ELMO1: variants seen among roughly 807,000 people sequenced by gnomAD.
The protein encoded by ELMO1 is engulfment and cell motility 1.
In ELMO1, 26 loss-of-function variants were observed where a neutral mutation model predicts 98.9. The ratio of observed to expected loss-of-function variants is 0.26; its 90% CI spans 0.19 to 0.36. The LOEUF (loss-of-function observed/expected upper bound fraction) is 0.36, where lower values mean the gene tolerates loss of function less well. Among genes scored for constraint, ELMO1 ranks in the 10% least tolerant of loss-of-function variants. ELMO1 has a pLI of 1.00. For synonymous variants in ELMO1, 346 were observed against 346.0 expected, an observed-to-expected ratio of 1.00 and a Z score of 0.00; for missense variants, 627 against 935.2, an observed-to-expected ratio of 0.67 and a Z score of 4.30.
At chr7:37,086,725 A>C (rs961611476) in intron 15 of ELMO1, among the ~76,000 whole-genome samples, 1 of 144,986 alleles carries the variant, frequency 6.9e-6, no homozygotes, top group Non-Finnish European at 1.5e-5. Context: ...CCTGGGCAAC[A>C]GAGTGAGATC....
chr7:37,187,950 T>C (rs1481665563), intron 13 of ELMO1, among the ~76,000 whole-genome samples: 1 of 152,128 alleles, frequency 6.6e-6, no homozygotes, highest in African/African-American at 2.4e-5. Flanking sequence ...AGGACTCCAG[T>C]TAGTCAATGC....
chr7:37,122,211 G>T lies in ELMO1; in HGVS notation c.1191+10919C>A, dbSNP rs527633093. On this transcript the variant is annotated intron_variant, in intron 14 of 21. Coordinates refer to ENST00000310758, the MANE Select transcript of ELMO1 (RefSeq NM_014800.11). ...CAAATTGTAAAGACCATTGAGACTAGGAAGAAACTGCATCAACTAACGAGC... is the reference window on the plus strand; with the variant it reads ...CAAATTGTAAAGACCATTGAGACTATGAAGAAACTGCATCAACTAACGAGC... Among the ~76,000 whole-genome samples the T allele has an allele frequency of 4.6e-5, 7 of 152,250 alleles. No homozygotes were observed. In the South Asian group the frequency reaches 1.5e-3, roughly 32 times the overall value.
rs1443386648 is a variant in ELMO1 at position 37,293,078 on chromosome 7, G to A, written c.193-21196C>T. Among the ~76,000 whole-genome samples, 2 of 15,556 alleles carry A rather than the reference G, an allele frequency of 1.3e-4. 1 individual carries two copies. Among genetic ancestry groups the A allele is most frequent in the African/African-American group, 2.1e-4 (2 of 9,322 alleles). The allele number at this position is 15,556 out of a possible 152,430, so 10.2% of individuals were successfully genotyped here. ...AGCCCCCTGCCCGGCCAGCCGCCCC[G>A]TCCGGGAGGGAGGTGGGGGGGGGTC... On this transcript the variant is annotated intron_variant, in intron 4 of 21. Transcript: ENST00000310758.
intron 16 of ELMO1, among the ~76,000 whole-genome samples, chr7:36,936,893 A>G (rs1786579781): frequency 6.6e-6 from 1 of 152,218 alleles, no homozygotes; most frequent in Non-Finnish European, 1.5e-5. Context: ...TTAAGTATAG[A>G]GTAAGCACTG....
chr7:36,915,401 A>G (rs191773726), intron 16 of ELMO1, among the ~76,000 whole-genome samples: 3 of 152,308 alleles, frequency 2.0e-5, no homozygotes, highest in Admixed American at 2.0e-4. Context: ...TTTATCTAAG[A>G]TAGGAGGGGG....
At chr7:37,132,840 T>C (rs1477718709) in intron 14 of ELMO1, among the ~76,000 whole-genome samples, 1 of 152,250 alleles carries the variant, frequency 6.6e-6, no homozygotes, top group African/African-American at 2.4e-5. Flanking sequence ...TTTTTGTTCC[T>C]TGTTATTTAA....
chr7:37,005,452 G>T (rs1793012424), intron 16 of ELMO1, among the ~76,000 whole-genome samples: 1 of 152,088 alleles, frequency 6.6e-6, no homozygotes, highest in African/African-American at 2.4e-5. Flanking sequence ...AGCACTTCGG[G>T]AGGCCAAGGC....
At chr7:37,216,241 T>C (rs564626862) in intron 11 of ELMO1, among the ~76,000 whole-genome samples, 5 of 152,058 alleles carry the variant, frequency 3.3e-5, no homozygotes, top group Admixed American at 3.3e-4. Flanking sequence ...CCCCCAAAAC[T>C]GATGTTCAAC....
At chr7:37,051,738 A>G (rs773549771) in intron 15 of ELMO1, among the ~76,000 whole-genome samples, 1 of 152,208 alleles carries the variant, frequency 6.6e-6, no homozygotes, top group South Asian at 2.1e-4. Flanking sequence ...AAATCTGGCT[A>G]TATAATTTAT....
intron 15 of ELMO1, among the ~76,000 whole-genome samples, chr7:37,023,365 T>C (rs1279665491): frequency 1.3e-5 from 2 of 152,178 alleles, no homozygotes; most frequent in African/African-American, 4.8e-5. Context: ...ATTTCATACA[T>C]ATGATTTCAG....
At chr7:37,273,208 C>T (rs1796660808) in intron 4 of ELMO1, among the ~76,000 whole-genome samples, 1 of 152,214 alleles carries the variant, frequency 6.6e-6, no homozygotes, top group African/African-American at 2.4e-5. Context: ...TATCACTTAG[C>T]ATCTGGTGTG....
chr7:37,069,721 A>G (rs758099322), intron 15 of ELMO1, among the ~76,000 whole-genome samples: 5 of 152,232 alleles, frequency 3.3e-5, no homozygotes, highest in Non-Finnish European at 7.3e-5. Context: ...TGATGAGAAA[A>G]TGGGTCTCAG....
intron 16 of ELMO1, among the ~76,000 whole-genome samples, chr7:36,932,844 G>A (rs1422110538): frequency 6.6e-6 from 1 of 152,108 alleles, no homozygotes; most frequent in African/African-American, 2.4e-5. Flanking sequence ...CTCAGTGCCC[G>A]GGACAGCAAG....
intron 1 of ELMO1, among the ~76,000 whole-genome samples, chr7:37,371,781 T>C (rs1802124472): frequency 1.3e-5 from 2 of 152,210 alleles, no homozygotes. Context: ...TCTTAATCGT[T>C]GCCTGAATTC....
At chr7:37,028,323 T>A (rs34647305) in intron 15 of ELMO1, among the ~76,000 whole-genome samples, 12,944 of 152,216 alleles carry the variant, frequency 0.085, 608 homozygotes, top group Middle Eastern at 0.15. Flanking sequence ...CCGTGATTTT[T>A]AAAAACAGTT....
intron 13 of ELMO1, among the ~76,000 whole-genome samples, chr7:37,182,652 T>G (rs1790956399): frequency 6.6e-6 from 1 of 151,850 alleles, no homozygotes; most frequent in African/African-American, 2.4e-5. Flanking sequence ...CTCTTAACCT[T>G]TTACTTAGAG....
At chr7:37,158,939 G>T (rs939226410) in intron 13 of ELMO1, among the ~76,000 whole-genome samples, 2 of 152,198 alleles carry the variant, frequency 1.3e-5, no homozygotes, top group Non-Finnish European at 2.9e-5. Flanking sequence ...TAATGAAAAT[G>T]TGGCACGTAT....
At chr7:37,154,549 C>G (rs547584133) in intron 13 of ELMO1, among the ~76,000 whole-genome samples, 6 of 152,060 alleles carry the variant, frequency 3.9e-5, no homozygotes, top group African/African-American at 1.2e-4. Context: ...TTTGATCAAG[C>G]GCAAGAAAGG....
chr7:36,921,327 T>A (rs1785139692), intron 16 of ELMO1, among the ~76,000 whole-genome samples: 1 of 152,256 alleles, frequency 6.6e-6, no homozygotes, highest in Non-Finnish European at 1.5e-5. Context: ...AACCTGGCTC[T>A]GCCACTTACT....
Sources: allele counts gnomAD v4.1 joint callset (sites outside exome capture counted in the v4.1 genomes callset), GRCh38; gene constraint gnomAD v4.1.1; transcripts MANE v1.5; gene names NCBI Gene and HGNC (gene_info 2026-07-23, HGNC 2026-07-21).